PEX5L: variants seen among roughly 807,000 people sequenced by gnomAD.
PEX5L encodes PEX5-related protein.
In PEX5L, 30 loss-of-function variants were observed where a neutral mutation model predicts 84.0. The observed-to-expected ratio is 0.36, with a 90% CI of 0.27 to 0.48. The LOEUF (loss-of-function observed/expected upper bound fraction) is 0.48, where lower values mean the gene tolerates loss of function less well. Among genes scored for constraint, PEX5L ranks in the 20% least tolerant of loss-of-function variants. The pLI is 0.99. For missense variants in PEX5L, 533 were observed against 754.6 expected, an observed-to-expected ratio of 0.71 and a Z score of 3.44; for synonymous variants, 270 against 283.1, an observed-to-expected ratio of 0.95 and a Z score of 0.46.
chr3:180,015,510 TGA>T (rs1200689276), intron 1 of PEX5L, among the ~76,000 whole-genome samples: 2 of 152,182 alleles, frequency 1.3e-5, no homozygotes, highest in Non-Finnish European at 2.9e-5. Flanking sequence ...TCTTACATGG[TGA>T]GAGAGTCTTT....
chr3:179,978,564 TA>T (rs1323549401), intron 1 of PEX5L, among the ~76,000 whole-genome samples: 1 of 152,198 alleles, frequency 6.6e-6, no homozygotes, highest in African/African-American at 2.4e-5. Flanking sequence ...CCACTTGACA[TA>T]TTTTTAAAGT....
chr3:179,865,177 G>A (rs1233876292), intron 7 of PEX5L, among the ~76,000 whole-genome samples: 1 of 152,162 alleles, frequency 6.6e-6, no homozygotes, highest in Non-Finnish European at 1.5e-5. Flanking sequence ...ATCTTACTGT[G>A]TAAATGAAAT....
chr3:179,923,204 T>C lies in PEX5L; in HGVS notation c.94-24958A>G, dbSNP rs914176118. The stretch of plus-strand genomic sequence containing the variant: ...TACTCGGGAGGCTGAGGCGGGAGAA[T>C]GGCCTGAACCCGGGAGGCAGAGCTT... On this transcript the variant is annotated intron_variant, in intron 2 of 14. Coordinates refer to ENST00000467460, the MANE Select transcript of PEX5L (RefSeq NM_016559.3). Among the ~76,000 whole-genome samples the C allele has an allele frequency of 3.5e-5, 5 of 144,058 alleles. No homozygotes were observed. The East Asian group carries it at 1.0e-3, about 29-fold the overall frequency. The allele number at this position is 144,058 out of a possible 152,430, so 94.5% of individuals were successfully genotyped here.
In PEX5L at chr3:179,888,251, CCT is replaced by C. The variant is rs1756523811; in HGVS notation, c.199-469_199-468del. 19 of 886,764 alleles carry C rather than the reference CCT, an allele frequency of 2.1e-5. No homozygotes were observed. In the South Asian group the frequency reaches 2.7e-4, roughly 12 times the overall value. 54.9% of individuals were successfully genotyped at this position (886,764 alleles called of 1,614,324 possible). ...ACGGATCAGTGTGGGTGGATAAATG[CCT>C]GCCTCGTCTCCCTCTCTTAAAAAGC... On this transcript the variant is annotated intron_variant, in intron 3 of 14. Transcript: ENST00000467460.
rs145391072 is a variant in PEX5L, at chr3:179,888,120, C to T, written c.199-336G>A. 3.0e-5 allele frequency: 39 copies of T among 1,290,726 alleles called. No homozygotes were observed. In the African/African-American group the frequency reaches 4.5e-4, roughly 15 times the overall value. The allele number at this position is 1,290,726 out of a possible 1,614,324, so 80.0% of individuals were successfully genotyped here. A position where few individuals can be genotyped will look rare whatever the true frequency, so the allele number is the denominator to read the frequency against. On this transcript the variant is annotated intron_variant, in intron 3 of 14. Transcript: ENST00000467460. ...GCTAAGGGCCAATCCCACTCCTCACCTGGACAAAAGCTCCTACTGAGACCT... is the reference window on the plus strand; with the variant it reads ...GCTAAGGGCCAATCCCACTCCTCACTTGGACAAAAGCTCCTACTGAGACCT...
chr3:180,005,691 T>C (rs1373431135), intron 1 of PEX5L, among the ~76,000 whole-genome samples: 1 of 151,552 alleles, frequency 6.6e-6, no homozygotes, highest in Non-Finnish European at 1.5e-5. Context: ...ATAGCGCCAC[T>C]GCACTCCAGC....
chr3:179,905,922 T>C (rs1258367964), intron 2 of PEX5L, among the ~76,000 whole-genome samples: 1 of 152,222 alleles, frequency 6.6e-6, no homozygotes, highest in Non-Finnish European at 1.5e-5. Context: ...TAAATATATG[T>C]ACTGGATATC....
intron 1 of PEX5L, among the ~76,000 whole-genome samples, chr3:179,974,769 C>G (rs1785543566): frequency 6.6e-6 from 1 of 152,208 alleles, no homozygotes; most frequent in South Asian, 2.1e-4. Context: ...AATCTTGCCT[C>G]TCTACAGACT....
chr3:179,797,605 A>ATATATATATATATATAT lies in PEX5L; in HGVS notation c.*4222_*4223insATATATATATATATATA, dbSNP rs1171034649. On this transcript the variant is annotated 3_prime_UTR_variant, in exon 15 of 15. Transcript: ENST00000467460. ...AACACTCTTTAAAAAAAAAAAAAAA[A>ATATATATATATATATAT]ATATATATATATATATATATATATA... is the stretch of plus-strand genomic sequence containing the variant. 21 of 89,142 alleles carry ATATATATATATATATAT rather than the reference A, an allele frequency of 2.4e-4. No individual in the cohort carries two copies. Among genetic ancestry groups the ATATATATATATATATAT allele is most frequent in the African/African-American group, 9.0e-4 (20 of 22,200 alleles). 5.5% of individuals were successfully genotyped at this position (89,142 alleles called of 1,614,324 possible).
At chr3:179,913,387 A>G (rs761965260) in intron 2 of PEX5L, among the ~76,000 whole-genome samples, 1 of 152,196 alleles carries the variant, frequency 6.6e-6, no homozygotes, top group Non-Finnish European at 1.5e-5. Context: ...GTTTCCATTT[A>G]TAATAAACTT....
chr3:179,968,067 T>G (rs1783803723), intron 2 of PEX5L, among the ~76,000 whole-genome samples: 2 of 152,150 alleles, frequency 1.3e-5, no homozygotes, highest in Non-Finnish European at 2.9e-5. Context: ...TATAACCCAA[T>G]AAATCCACAA....
At chr3:179,930,888 T>G (rs1772909417) in intron 2 of PEX5L, among the ~76,000 whole-genome samples, 1 of 152,196 alleles carries the variant, frequency 6.6e-6, no homozygotes, top group Non-Finnish European at 1.5e-5. Context: ...AAGCACAGTT[T>G]TTTTCAGACA....
chr3:180,002,329 G>A (rs1001997069), intron 1 of PEX5L, among the ~76,000 whole-genome samples: 1 of 152,094 alleles, frequency 6.6e-6, no homozygotes, highest in African/African-American at 2.4e-5. Context: ...TTACAAGCTT[G>A]CTGACTGCCA....
intron 2 of PEX5L, among the ~76,000 whole-genome samples, chr3:179,904,939 T>C (rs1762636206): frequency 6.6e-6 from 1 of 152,206 alleles, no homozygotes; most frequent in Admixed American, 6.5e-5. Flanking sequence ...CCATCATGGC[T>C]CTTCCTGCCC....
At chr3:180,023,028 CCT>C (rs1790556867) in intron 1 of PEX5L, among the ~76,000 whole-genome samples, 1 of 152,284 alleles carries the variant, frequency 6.6e-6, no homozygotes, top group South Asian at 2.1e-4. Context: ...CATTTTATCT[CCT>C]GTTAGTTGAG....
intron 8 of PEX5L, among the ~76,000 whole-genome samples, chr3:179,830,016 C>T (rs868288429): frequency 5.8e-5 from 8 of 138,202 alleles, no homozygotes; most frequent in African/African-American, 1.9e-4. Context: ...AGGCTGATTT[C>T]GAACTCCTGA....
chr3:179,945,135 A>G (rs567825356), intron 2 of PEX5L, among the ~76,000 whole-genome samples: 4 of 152,300 alleles, frequency 2.6e-5, no homozygotes, highest in African/African-American at 9.6e-5. Flanking sequence ...ATTTAATCGT[A>G]TAGAGCCAAG....
chr3:179,876,335 TAA>T (rs199838508), intron 5 of PEX5L, among the ~76,000 whole-genome samples: 1 of 141,924 alleles, frequency 7.0e-6, no homozygotes, highest in Non-Finnish European at 1.6e-5. Context: ...TTCTACTAAA[TAA>T]AAAAAAAAAA....
intron 8 of PEX5L, among the ~76,000 whole-genome samples, chr3:179,849,330 A>G (rs757238756): frequency 3.9e-5 from 6 of 152,198 alleles, no homozygotes; most frequent in Admixed American, 1.3e-4. Flanking sequence ...TGCTAATTAT[A>G]TTTTTAAATA....
Sources: gnomAD v4.1 joint callset for allele counts (sites outside exome capture counted in the v4.1 genomes callset) on GRCh38, gnomAD v4.1.1 for gene constraint, MANE v1.5 for transcripts, NCBI Gene and HGNC (gene_info 2026-07-23, HGNC 2026-07-21) for gene names.